CDH12: variants seen among roughly 807,000 people sequenced by gnomAD.
CDH12 encodes the protein cadherin-12.
Under a neutral mutation model 74.1 loss-of-function variants are expected in CDH12, and 41 were observed. The ratio of observed to expected loss-of-function variants is 0.55; its 90% CI spans 0.43 to 0.72. The LOEUF is 0.72. Among genes scored for constraint, CDH12 ranks in the 30% least tolerant of loss-of-function variants. CDH12 has a pLI of 0.00. For missense variants in CDH12, 945 were observed against 977.2 expected, an observed-to-expected ratio of 0.97 and a Z score of 0.44; for synonymous variants, 399 against 355.0, an observed-to-expected ratio of 1.12 and a Z score of -1.39.
Position 22,059,343 on chromosome 5 carries a change from CT to C in CDH12, c.231+19102del, listed in dbSNP as rs1287144756. Among the ~76,000 whole-genome samples, 800 of 91,760 alleles carry C rather than the reference CT, an allele frequency of 8.7e-3. 7 individuals are homozygous for C. The highest frequency in any genetic ancestry group is 0.015 in the East Asian group (31 of 2,136). The allele number at this position is 91,760 out of a possible 152,430, so 60.2% of individuals were successfully genotyped here. A position where few individuals can be genotyped will look rare whatever the true frequency, so the allele number is the denominator to read the frequency against. On this transcript the variant is annotated intron_variant, in intron 5 of 14. Coordinates refer to ENST00000382254, the MANE Select transcript of CDH12 (RefSeq NM_004061.5). The stretch of plus-strand genomic sequence containing the variant: ...CATCTATCGTCTATCTATCATCTAT[CT>C]ATCTATCTATCTATCTATCTATCTA...
chr5:22,071,391 T>C (rs1741930030), intron 5 of CDH12, among the ~76,000 whole-genome samples: 1 of 152,056 alleles, frequency 6.6e-6, no homozygotes, highest in Admixed American at 6.6e-5. Context: ...GACAAAACCA[T>C]TAAAACTATT....
At position 22,000,785 on chromosome 5, in the gene CDH12, T is replaced by C. The variant is rs534167241; in HGVS notation, c.232-25400A>G. The stretch of plus-strand genomic sequence containing the variant: ...ACATGTAAATTCAGCCAATGTGCAA[T>C]TTAGTTTACAATATTCTTCAGCTGC... On this transcript the variant is annotated intron_variant, in intron 5 of 14. Transcript: ENST00000382254. Among the ~76,000 whole-genome samples, 184 of 152,254 alleles carry C rather than the reference T, an allele frequency of 1.2e-3. No individual in the cohort carries two copies. The Middle Eastern group carries it at 0.014, about 11-fold the overall frequency.
intron 1 of CDH12, among the ~76,000 whole-genome samples, chr5:22,709,162 A>G (rs1026881446): frequency 2.0e-5 from 3 of 152,204 alleles, no homozygotes; most frequent in Admixed American, 6.5e-5. Flanking sequence ...AGTGGCCACA[A>G]ATTCTGAGAA....
chr5:21,764,899 T>C, intron 12 of CDH12, 79 bp downstream of exon 12: 1 of 1,321,098 alleles, frequency 7.6e-7, no homozygotes, highest in South Asian at 1.2e-5. Context: ...TATGTGTGCA[T>C]ATTCATGTCT....
At chr5:22,496,584 TTC>T (rs1352925349) in intron 2 of CDH12, among the ~76,000 whole-genome samples, 2 of 152,314 alleles carry the variant, frequency 1.3e-5, no homozygotes, top group South Asian at 2.1e-4. Context: ...TGAAAATTAA[TTC>T]TGTCTTTATT....
At chr5:22,119,285 G>GTTTT (rs397996987) in intron 4 of CDH12, among the ~76,000 whole-genome samples, 20 of 99,018 alleles carry the variant, frequency 2.0e-4, no homozygotes, top group South Asian at 3.4e-4. Flanking sequence ...CTTCTACTTC[G>GTTTT]TTTTTTTTTT....
At chr5:22,467,765 G>A (rs116194297) in intron 2 of CDH12, among the ~76,000 whole-genome samples, 3 of 152,104 alleles carry the variant, frequency 2.0e-5, no homozygotes, top group Non-Finnish European at 4.4e-5. Context: ...TGTGTAACCA[G>A]TTTCACCCAT....
At chr5:22,822,768 C>T (rs1227564304) in intron 1 of CDH12, among the ~76,000 whole-genome samples, 1 of 152,100 alleles carries the variant, frequency 6.6e-6, no homozygotes, top group Non-Finnish European at 1.5e-5. Context: ...AATAGGAACA[C>T]TTTTACACAG....
intron 5 of CDH12, among the ~76,000 whole-genome samples, chr5:22,025,070 A>G (rs1339801447): frequency 6.6e-6 from 1 of 152,148 alleles, no homozygotes; most frequent in East Asian, 1.9e-4. Flanking sequence ...AACAAAAACA[A>G]AATCAAACCA....
intron 1 of CDH12, among the ~76,000 whole-genome samples, chr5:22,754,569 CAA>C (rs72233503): frequency 0.44 from 57,546 of 131,308 alleles, 10,874 homozygotes; most frequent in East Asian, 0.5. Context: ...GGAAAGCAGA[CAA>C]AAAAAAAAAA....
chr5:22,519,306 C>T (rs964954918), intron 1 of CDH12, among the ~76,000 whole-genome samples: 2 of 151,964 alleles, frequency 1.3e-5, no homozygotes, highest in Non-Finnish European at 2.9e-5. Flanking sequence ...TCTCTATAGG[C>T]CATGTCAATG....
At chr5:22,492,645 C>A (rs953240134) in intron 2 of CDH12, among the ~76,000 whole-genome samples, 1 of 152,124 alleles carries the variant, frequency 6.6e-6, no homozygotes, top group Admixed American at 6.5e-5. Flanking sequence ...CAGCATCCAG[C>A]CTGATTTTTC....
intron 1 of CDH12, among the ~76,000 whole-genome samples, chr5:22,844,706 CCA>C (rs1737223788): frequency 6.6e-6 from 1 of 152,138 alleles, no homozygotes. Flanking sequence ...AAATAAGTTT[CCA>C]CTCTAAGCTG....
chr5:22,009,702 G>A (rs1397639704), intron 5 of CDH12, among the ~76,000 whole-genome samples: 1 of 151,878 alleles, frequency 6.6e-6, no homozygotes, highest in African/African-American at 2.4e-5. Flanking sequence ...AGTTGGCCCG[G>A]CGCGGTGACT....
chr5:22,690,261 T>A (rs1742014289), intron 1 of CDH12, among the ~76,000 whole-genome samples: 1 of 152,236 alleles, frequency 6.6e-6, no homozygotes, highest in African/African-American at 2.4e-5. Context: ...CTAAATTAAA[T>A]CTTCTTCCTG....
At chr5:22,837,064 A>G (rs1422516751) in intron 1 of CDH12, among the ~76,000 whole-genome samples, 1 of 152,218 alleles carries the variant, frequency 6.6e-6, no homozygotes, top group Non-Finnish European at 1.5e-5. Context: ...GTGACCTAAT[A>G]TATAAATGAA....
intron 4 of CDH12, among the ~76,000 whole-genome samples, chr5:22,198,772 G>A (rs1365951575): frequency 3.3e-5 from 5 of 151,772 alleles, no homozygotes; most frequent in Admixed American, 3.3e-4. Context: ...TTTTCCTTTC[G>A]GAATGCAAAA....
At chr5:22,376,482 A>G (rs754283951) in intron 3 of CDH12, among the ~76,000 whole-genome samples, 5 of 152,160 alleles carry the variant, frequency 3.3e-5, no homozygotes, top group Middle Eastern at 3.2e-3. Flanking sequence ...AAGAAATGAC[A>G]TATTCTCATT....
chr5:22,369,383 G>A (rs1336026121), intron 3 of CDH12, among the ~76,000 whole-genome samples: 3 of 151,998 alleles, frequency 2.0e-5, no homozygotes, highest in Admixed American at 2.0e-4. Flanking sequence ...TTTCTTTAAA[G>A]ACACTATAAA....
Sources: allele counts gnomAD v4.1 joint callset (sites outside exome capture counted in the v4.1 genomes callset), GRCh38; gene constraint gnomAD v4.1.1; transcripts MANE v1.5; gene names NCBI Gene and HGNC (gene_info 2026-07-23, HGNC 2026-07-21).